The following SPG11 variants were observed in gnomAD, a reference collection of about 807,000 sequenced individuals.
The protein encoded by SPG11 is spatacsin.
A neutral mutation model predicts 274.0 loss-of-function variants in SPG11; 222 were observed. The ratio of observed to expected loss-of-function variants is 0.81; its 90% CI spans 0.73 to 0.91. The LOEUF (loss-of-function observed/expected upper bound fraction) is 0.91, where lower values mean the gene tolerates loss of function less well. Among genes scored for constraint, SPG11 ranks in the 40% least tolerant of loss-of-function variants. SPG11 has a pLI of 0.00. For missense variants in SPG11, 3,114 were observed against 2,872.7 expected, an observed-to-expected ratio of 1.08 and a Z score of -1.92; for synonymous variants, 1,144 against 1,039.7, an observed-to-expected ratio of 1.10 and a Z score of -1.93.
intron 17 of SPG11, among the ~76,000 whole-genome samples, chr15:44,612,775 T>C (rs2083494789): frequency 6.6e-6 from 1 of 151,938 alleles, no homozygotes; most frequent in African/African-American, 2.4e-5. Context: ...ATAATCAGCA[T>C]GCAAAACCAA....
chr15:44,663,590 C>A lies in SPG11; in HGVS notation c.58G>T (p.Ala20Ser). 2 of 1,596,682 alleles carry A rather than the reference C, an allele frequency of 1.3e-6. No individual in the cohort carries two copies. Among genetic ancestry groups the A allele is most frequent in the East Asian group, 2.2e-5 (1 of 44,460 alleles). ...ATCGGTAGAACCCGCCCCATGGCCG[C>A]GGTGCCCCAGCTACCGCCGGCGGAA... ...AASAGGSWGT[A>S]AMGRVLPMLL... The change falls in exon 1 of 40, where the codon GCG becomes TCG. Residue 20 changes from alanine (A) to serine (S), a missense_variant. By Grantham distance (99) the Ala-to-Ser change is moderately conservative. Coordinates refer to ENST00000261866, the MANE Select transcript of SPG11 (RefSeq NM_025137.4).
chr15:44,580,323 C>T (rs968372330), intron 30 of SPG11, among the ~76,000 whole-genome samples: 7 of 152,142 alleles, frequency 4.6e-5, no homozygotes, highest in Non-Finnish European at 1.0e-4. Context: ...TATAAGTGTG[C>T]TCTAAGATGT....
At chr15:44,581,171 GAAC>G (rs889965294) in intron 30 of SPG11, among the ~76,000 whole-genome samples, 4 of 152,150 alleles carry the variant, frequency 2.6e-5, no homozygotes, top group Non-Finnish European at 5.9e-5. Context: ...AAAAGGAAGT[GAAC>G]AACATTTTCA....
At chr15:44,642,495 C>A in intron 7 of SPG11, among the ~76,000 whole-genome samples, 1 of 150,998 alleles carries the variant, frequency 6.6e-6, no homozygotes, top group African/African-American at 2.4e-5. Context: ...TCAACATTAG[C>A]TACAACTAAA....
chr15:44,583,708 C>A (rs1339487625), intron 30 of SPG11, 106 bp downstream of exon 30: 1 of 1,486,322 alleles, frequency 6.7e-7, no homozygotes, highest in South Asian at 1.1e-5. Flanking sequence ...AAGTTGTTGT[C>A]CCCTTAACTT....
rs771354920 is a variant in SPG11, at chr15:44,563,301, T to C, written c.7152A>G (p.Lys2384=). 2 of 1,611,812 alleles carry C rather than the reference T, an allele frequency of 1.2e-6. No individual in the cohort carries two copies. Among genetic ancestry groups the C allele is most frequent in the Admixed American group, 3.3e-5 (2 of 60,022 alleles). Reference sequence around the variant, plus strand: ...TGTCAGTAGGCTGATGTTGTTTATATCTAGATAAAGAAACATAATGTACAG... The same window carrying C: ...TGTCAGTAGGCTGATGTTGTTTATACCTAGATAAAGAAACATAATGTACAG... The part of the protein sequence containing the change: ...KSSIFEEISK[K]YKQHQPTDMV... Residue 2384 remains lysine (K), a splice_region_variant and synonymous_variant, in exon 40 of 40, where the codon AAA becomes AAG. Transcript: ENST00000261866.
chr15:44,655,638 T>C (rs527868436), intron 4 of SPG11, among the ~76,000 whole-genome samples: 4 of 152,302 alleles, frequency 2.6e-5, no homozygotes, highest in South Asian at 4.1e-4. Context: ...ACATATAACA[T>C]AGAAAATATG....
At chr15:44,615,649 A>G (rs2083575710) in intron 15 of SPG11, 83 bp from the exon 16 acceptor site, 7 of 1,193,220 alleles carry the variant, frequency 5.9e-6, no homozygotes, top group South Asian at 3.8e-5. Context: ...TTAGGTCTCA[A>G]TTACTTAAAA....
chr15:44,586,623 A>C, intron 28 of SPG11, among the ~76,000 whole-genome samples: 1 of 152,142 alleles, frequency 6.6e-6, no homozygotes, highest in Non-Finnish European at 1.5e-5. Flanking sequence ...CAGCCTGGGC[A>C]ATAGAGTGAG....
intron 26 of SPG11, among the ~76,000 whole-genome samples, chr15:44,595,008 G>C (rs1446132559): frequency 2.0e-5 from 3 of 152,088 alleles, no homozygotes; most frequent in African/African-American, 7.2e-5. Context: ...GTAGAGACAG[G>C]GTTTCACCAT....
At chr15:44,621,439 T>C (rs1013545794) in intron 14 of SPG11, 4 of 331,874 alleles carry the variant, frequency 1.2e-5, no homozygotes, top group Non-Finnish European at 2.3e-5. Context: ...AGATCCCCCA[T>C]ATCAGATGGC....
chr15:44,617,771 G>A (rs1354264200), intron 15 of SPG11, among the ~76,000 whole-genome samples: 1 of 152,078 alleles, frequency 6.6e-6, no homozygotes, highest in Non-Finnish European at 1.5e-5. Context: ...CACCTCCTGA[G>A]TTCAAGTGAT....
intron 29 of SPG11, 54 bp from the exon 30 acceptor site, chr15:44,584,612 A>C: frequency 1.3e-6 from 2 of 1,583,394 alleles, no homozygotes; most frequent in Non-Finnish European, 1.7e-6. Flanking sequence ...AAAGTATCAT[A>C]AATGCTAATG....
At chr15:44,594,012 C>A (rs143575577) in intron 26 of SPG11, among the ~76,000 whole-genome samples, 1 of 150,632 alleles carries the variant, frequency 6.6e-6, no homozygotes, top group Non-Finnish European at 1.5e-5. Context: ...TCAAATGATC[C>A]GCCCGTCTCA....
Position 44,589,367 on chromosome 15 carries a change from C to A in SPG11, c.4791G>T (p.Trp1597Cys). 2 of 1,614,166 alleles carry A rather than the reference C, an allele frequency of 1.2e-6. No homozygotes were observed. The highest frequency in any genetic ancestry group is 1.7e-6 in the Non-Finnish European group (2 of 1,179,990). ...TKVHPVIPAMWLEDQVCFLLK... is the reference protein window; with the variant it reads ...TKVHPVIPAMCLEDQVCFLLK... ...AAAGGAAACACACCTGATCCTCCAG[C>A]CACATGGCAGGGATGACAGGGTGGA... The change falls in exon 28 of 40, where the codon TGG becomes TGT. Residue 1597 changes from tryptophan (W) to cysteine (C), a missense_variant. Transcript: ENST00000261866.
At chr15:44,625,792 G>A (rs2083881438) in intron 11 of SPG11, among the ~76,000 whole-genome samples, 1 of 152,072 alleles carries the variant, frequency 6.6e-6, no homozygotes, top group African/African-American at 2.4e-5. Context: ...AATTTTCCCT[G>A]CCTCAGCCTC....
chr15:44,635,595 C>CAAAAAAAAA (rs56776994), intron 7 of SPG11, among the ~76,000 whole-genome samples: 4 of 54,066 alleles, frequency 7.4e-5, no homozygotes, highest in Non-Finnish European at 1.5e-4. Flanking sequence ...AACCCTGTCT[C>CAAAAAAAAA]AAAAAAAAAA....
Position 44,642,443 on chromosome 15 carries a change from TAC to T in SPG11, c.1602+6421_1602+6422del, listed in dbSNP as rs200397260. Among the ~76,000 whole-genome samples the T allele has an allele frequency of 2.1e-3, 316 of 148,470 alleles. 1 individual carries two copies. Among genetic ancestry groups the T allele is most frequent in the African/African-American group, 7.3e-3 (296 of 40,564 alleles). ...TATGTAAAATATATAATTATATATA[TAC>T]ACACACACACATACACAGTGGTTCC... is the stretch of plus-strand genomic sequence containing the variant. On this transcript the variant is annotated intron_variant, in intron 7 of 39. Coordinates refer to ENST00000261866, the MANE Select transcript of SPG11 (RefSeq NM_025137.4).
intron 20 of SPG11, among the ~76,000 whole-genome samples, chr15:44,602,299 A>G (rs1354609314): frequency 6.6e-6 from 1 of 152,132 alleles, no homozygotes; most frequent in Non-Finnish European, 1.5e-5. Flanking sequence ...TTCTGATCTT[A>G]GAGGAAAAGC....
Sources: allele counts gnomAD v4.1 joint callset (sites outside exome capture counted in the v4.1 genomes callset), GRCh38; gene constraint gnomAD v4.1.1; transcripts MANE v1.5; gene names NCBI Gene and HGNC (gene_info 2026-07-23, HGNC 2026-07-21).